PRSS55: variants seen among roughly 807,000 people sequenced by gnomAD.
PRSS55 encodes probable serine protease UNQ9391/PRO34284.
In PRSS55, 41 loss-of-function variants were observed where a neutral mutation model predicts 23.6. The ratio of observed to expected loss-of-function variants is 1.74; its 90% confidence interval spans 1.35 to 2.26. The LOEUF is 2.26. Ranked by LOEUF, PRSS55 falls within the 30% of genes most tolerant of loss-of-function variation. The pLI, the probability that PRSS55 is intolerant of heterozygous loss-of-function variation, is 0.00. For synonymous variants in PRSS55, 262 were observed against 175.5 expected (o/e 1.49, Z -3.90); for missense variants, 669 against 439.1 (o/e 1.52, Z -4.68).
At chr8:10,553,628 G>A (rs1812998496) in intron 4 of PRSS55, among the ~76,000 whole-genome samples, 1 of 152,194 alleles carries the variant, frequency 6.6e-6, no homozygotes, top group Non-Finnish European at 1.5e-5. Context: ...GTAGAATGGT[G>A]GTTATGAGAC....
In PRSS55 at chr8:10,525,598, T is replaced by G. The variant is rs369783831; in HGVS notation, c.13T>G (p.Ser5Ala). Residue 5 changes from serine (S) to alanine (A), a missense_variant, in exon 1 of 5, where the codon TCA becomes GCA. Transcript: ENST00000328655. ...ACAGCCCAGGGCCATGCTCCTGTTC[T>G]CAGTGTTGCTGCTCCTGTCCCTGGT... MLLF[S>A]VLLLLSLVTG... The G allele has an allele frequency of 6.2e-6, 10 of 1,613,924 alleles. No homozygotes were observed. Among genetic ancestry groups the G allele is most frequent in the Non-Finnish European group, 7.6e-6 (9 of 1,179,992 alleles).
chr8:10,552,203 C>T (rs1812967319), intron 4 of PRSS55, among the ~76,000 whole-genome samples: 2 of 152,182 alleles, frequency 1.3e-5, no homozygotes, highest in Non-Finnish European at 2.9e-5. Flanking sequence ...AGCAGAGAGC[C>T]CGTTTCTAAC....
At chr8:10,545,824 A>T (rs543179915) in intron 4 of PRSS55, among the ~76,000 whole-genome samples, 1 of 152,372 alleles carries the variant, frequency 6.6e-6, no homozygotes, top group Admixed American at 6.5e-5. Context: ...GTTGCTCTGC[A>T]ATGCAAAGTG....
At chr8:10,543,472 CTTTCTCTCT>C (rs1563547399), downstream of PRSS55, among the ~76,000 whole-genome samples, 269 of 29,090 alleles carry the variant, frequency 9.2e-3, 4 homozygotes, top group Middle Eastern at 0.021. Context: ...TCCTTTCTTT[CTTTCTCTCT>C]TTTTTTTTTT....
chr8:10,535,140 C>T (rs1228603265), intron 4 of PRSS55, among the ~76,000 whole-genome samples: 5 of 152,148 alleles, frequency 3.3e-5, no homozygotes, highest in Admixed American at 3.3e-4. Flanking sequence ...GGCCATACTA[C>T]CCAAAACAAT....
intron 4 of PRSS55, among the ~76,000 whole-genome samples, chr8:10,550,618 T>C (rs745749720): frequency 4.6e-5 from 7 of 152,180 alleles, no homozygotes; most frequent in Non-Finnish European, 5.9e-5. Flanking sequence ...CTGAGACCGA[T>C]TGCCTGAAGT....
chr8:10,531,651 C>G (rs1812272204), intron 3 of PRSS55, 106 bp downstream of exon 3: 5 of 1,486,436 alleles, frequency 3.4e-6, no homozygotes, highest in Non-Finnish European at 4.5e-6. Flanking sequence ...GGAGCAGATT[C>G]CCGCTCAGTG....
chr8:10,542,998 C>T (rs1021193889), downstream of PRSS55, among the ~76,000 whole-genome samples: 6 of 151,976 alleles, frequency 3.9e-5, no homozygotes, highest in South Asian at 6.2e-4. Flanking sequence ...TTTGGGGGAA[C>T]CCTCTTCCTT....
chr8:10,532,810 C>T (rs10106714), intron 3 of PRSS55, 96 bp from the exon 4 acceptor site: 397,228 of 1,490,204 alleles, frequency 0.27, 53,743 homozygotes, highest in Admixed American at 0.34. Flanking sequence ...GGGATGGGGG[C>T]TGGGGGACAC....
chr8:10,553,861 T>A, intron 4 of PRSS55: 1 of 882,852 alleles, frequency 1.1e-6, no homozygotes, highest in Non-Finnish European at 1.7e-6. Context: ...CATTTCACAA[T>A]GTATACATAA....
Position 10,538,464 on chromosome 8 carries a change from C to T in PRSS55, c.742-12C>T, listed in dbSNP as rs950555223. On this transcript the variant is annotated splice_polypyrimidine_tract_variant and intron_variant, in intron 4 of 4. Transcript: ENST00000328655. The stretch of plus-strand genomic sequence containing the variant: ...ACCGGACTCCCTGCTGAGCTGTGTT[C>T]TCTGCCCACAGGGTGACAGTGGGGG... 2 of 1,601,868 alleles carry T rather than the reference C, an allele frequency of 1.2e-6. No homozygotes were observed. Among genetic ancestry groups the T allele is most frequent in the Non-Finnish European group, 1.7e-6 (2 of 1,171,960 alleles).
chr8:10,543,906 C>T (rs904510111), intron 4 of PRSS55, among the ~76,000 whole-genome samples: 2 of 152,082 alleles, frequency 1.3e-5, no homozygotes, highest in African/African-American at 2.4e-5. Flanking sequence ...TTATTTCAAT[C>T]CTTTTAAAAA....
chr8:10,531,313 C>T lies in PRSS55; in HGVS notation c.366C>T (p.Val122=), dbSNP rs759965404. ...SEELFPEELS[V]VLGTNDLTSP... is the part of the protein sequence containing the mutation. ...CCACCAGTCCAGAAGAACTGAGTGTCGTGCTGGGGACCAACGACTTAACTA... is the reference window on the plus strand; with the variant it reads ...CCACCAGTCCAGAAGAACTGAGTGTTGTGCTGGGGACCAACGACTTAACTA... Residue 122 remains valine (V), a synonymous_variant, in exon 3 of 5, where the codon GTC becomes GTT. Coordinates refer to ENST00000328655, the MANE Select transcript of PRSS55 (RefSeq NM_198464.4). The T allele has an allele frequency of 1.5e-5, 24 of 1,613,948 alleles. No individual in the cohort carries two copies. The highest frequency in any genetic ancestry group is 1.8e-5 in the Non-Finnish European group (21 of 1,180,016).
At chr8:10,549,336 G>A (rs1812900032) in intron 4 of PRSS55, among the ~76,000 whole-genome samples, 1 of 152,224 alleles carries the variant, frequency 6.6e-6, no homozygotes, top group South Asian at 2.1e-4. Flanking sequence ...GGGAGTGAGG[G>A]GACAGCTGCA....
At chr8:10,549,588 G>T (rs1213730250) in intron 4 of PRSS55, among the ~76,000 whole-genome samples, 1 of 152,282 alleles carries the variant, frequency 6.6e-6, no homozygotes, top group South Asian at 2.1e-4. Flanking sequence ...AAAAGACCCT[G>T]GTTCTAAGAT....
At chr8:10,549,320 G>A (rs974870799) in intron 4 of PRSS55, among the ~76,000 whole-genome samples, 1 of 152,208 alleles carries the variant, frequency 6.6e-6, no homozygotes. Flanking sequence ...CTCTGGTGTG[G>A]GAAGTGGGAG....
intron 2 of PRSS55, among the ~76,000 whole-genome samples, chr8:10,530,176 CT>C (rs1362797908): frequency 3.9e-5 from 6 of 152,212 alleles, no homozygotes; most frequent in African/African-American, 1.4e-4. Context: ...TGCTAAGAAA[CT>C]TTCCCCTATT....
downstream of PRSS55, among the ~76,000 whole-genome samples, chr8:10,543,455 C>CTTGT (rs1491423238): frequency 9.7e-6 from 1 of 102,694 alleles, no homozygotes; most frequent in South Asian, 3.3e-4. Flanking sequence ...ATCCTTCCTT[C>CTTGT]CTTCCTTCCT....
chr8:10,548,446 C>G (rs1198000814), intron 4 of PRSS55, among the ~76,000 whole-genome samples: 1 of 152,136 alleles, frequency 6.6e-6, no homozygotes, highest in Non-Finnish European at 1.5e-5. Flanking sequence ...CTGCTGGGCC[C>G]TCACGGGTGG....
Sources: allele counts gnomAD v4.1 joint callset (sites outside exome capture counted in the v4.1 genomes callset), GRCh38; gene constraint gnomAD v4.1.1; transcripts MANE v1.5; gene names NCBI Gene and HGNC (gene_info 2026-07-23, HGNC 2026-07-21).